Variants in TJP1 observed in about 807,000 individuals in gnomAD.
The protein encoded by TJP1 is tight junction protein ZO-1.
A neutral mutation model predicts 194.2 loss-of-function variants in TJP1; 43 were observed. The ratio of observed to expected loss-of-function variants is 0.22; its 90% CI spans 0.17 to 0.29. The LOEUF (loss-of-function observed/expected upper bound fraction) is 0.29. Ranked by LOEUF, TJP1 falls within the 10% of genes least tolerant of loss-of-function variation. TJP1 has a pLI of 1.00. For missense variants in TJP1, 1,971 were observed against 2,185.7 expected (o/e 0.90, Z 1.96); for synonymous variants, 801 against 779.0 (o/e 1.03, Z -0.47).
intron 2 of TJP1, among the ~76,000 whole-genome samples, chr15:29,787,562 C>T (rs2047778895): frequency 6.6e-6 from 1 of 152,152 alleles, no homozygotes; most frequent in Non-Finnish European, 1.5e-5. Context: ...TCTCTATTCA[C>T]CTATTCTGAA....
At position 29,700,837 on chromosome 15, in the gene TJP1, C is replaced by G. The variant is rs964184681; in HGVS notation, c.*758G>C. ...CCACCAAATGCACAACGTACTCAGTCTTTGTCATGATACAGTATCTAGATA... is the reference window on the plus strand; with the variant it reads ...CCACCAAATGCACAACGTACTCAGTGTTTGTCATGATACAGTATCTAGATA... On this transcript the variant is annotated 3_prime_UTR_variant, in exon 28 of 28. Transcript: ENST00000614355. 2 of 164,460 alleles carry G rather than the reference C, an allele frequency of 1.2e-5. No homozygotes were observed. Among genetic ancestry groups the G allele is most frequent in the African/African-American group, 4.8e-5 (2 of 42,092 alleles). The allele number at this position is 164,460 out of a possible 1,614,324, so 10.2% of individuals were successfully genotyped here.
At chr15:29,820,973 A>G (rs953876299) in intron 1 of TJP1, among the ~76,000 whole-genome samples, 1 of 152,230 alleles carries the variant, frequency 6.6e-6, no homozygotes, top group Admixed American at 6.5e-5. Context: ...ACGGGTAAGC[A>G]TTTCAAACAA....
At chr15:29,823,040 G>A (rs1274822586), upstream of TJP1, 1 of 152,536 alleles carries the variant, frequency 6.6e-6, no homozygotes, top group Non-Finnish European at 1.5e-5. Context: ...TGGTGATGAG[G>A]TCATGGGCAC....
At position 29,840,156 on chromosome 15, in the gene TJP1, G is replaced by A. The variant is rs530142391; in HGVS notation, c.307-39454C>T. ...TATGTGCAAGGACTTTGTTGAATATGCGATTTGCGAATGCAGTATTTTCTC... is the reference window on the plus strand; with the variant it reads ...TATGTGCAAGGACTTTGTTGAATATACGATTTGCGAATGCAGTATTTTCTC... On this transcript the variant is annotated intron_variant, in intron 2 of 28. Coordinates refer to the TJP1 transcript ENST00000356107. Among the ~76,000 whole-genome samples the A allele has an allele frequency of 5.9e-5, 9 of 152,274 alleles. 1 individual carries two copies. In the South Asian group the frequency reaches 1.5e-3, roughly 25 times the overall value.
At chr15:29,768,226 A>G (rs1365153073) in intron 4 of TJP1, among the ~76,000 whole-genome samples, 1 of 152,186 alleles carries the variant, frequency 6.6e-6, no homozygotes. Context: ...GAGAAACAGC[A>G]GAGGCCAGCA....
chr15:29,931,365 C>T (rs1470980301), intron 2 of TJP1, among the ~76,000 whole-genome samples: 2 of 152,064 alleles, frequency 1.3e-5, no homozygotes, highest in Admixed American at 6.6e-5. Flanking sequence ...CAAGGGTCAA[C>T]TGTAAGTCAT....
intron 15 of TJP1, chr15:29,728,233 AACTT>A (rs2151206096): frequency 2.2e-6 from 1 of 447,236 alleles, no homozygotes; most frequent in African/African-American, 2.0e-5. Context: ...TCTGGAAAAA[AACTT>A]AGCCATTAAA....
At chr15:29,878,670 T>A (rs2052805197) in intron 2 of TJP1, among the ~76,000 whole-genome samples, 1 of 152,178 alleles carries the variant, frequency 6.6e-6, no homozygotes, top group Admixed American at 6.5e-5. Context: ...TTCATAGCTC[T>A]GTATAACATC....
At chr15:29,958,961 A>G (rs894057667) in intron 1 of TJP1, among the ~76,000 whole-genome samples, 21 of 151,606 alleles carry the variant, frequency 1.4e-4, no homozygotes, top group Admixed American at 6.6e-5. Context: ...TGAATCAGTA[A>G]ATTCTAAATT....
intron 2 of TJP1, among the ~76,000 whole-genome samples, chr15:29,903,651 A>G (rs1196198910): frequency 6.6e-6 from 1 of 152,054 alleles, no homozygotes; most frequent in Admixed American, 6.5e-5. Context: ...TCGCTGTGTT[A>G]GCCAGGATGG....
intron 5 of TJP1, among the ~76,000 whole-genome samples, chr15:29,765,708 C>G: frequency 6.6e-6 from 1 of 152,160 alleles, no homozygotes; most frequent in South Asian, 2.1e-4. Context: ...TTGGGCAACA[C>G]GGCAAAAACC....
intron 5 of TJP1, among the ~76,000 whole-genome samples, chr15:29,763,752 A>T (rs1041377951): frequency 7.6e-6 from 1 of 131,374 alleles, no homozygotes; most frequent in East Asian, 2.4e-4. Context: ...TGAGAGAGAG[A>T]GTGAGACTCC....
At chr15:29,884,285 C>T (rs535101184) in intron 2 of TJP1, among the ~76,000 whole-genome samples, 13 of 152,234 alleles carry the variant, frequency 8.5e-5, no homozygotes, top group Admixed American at 2.6e-4. Context: ...AACAGATGCT[C>T]CCTGGACCAT....
At chr15:29,967,621 T>G (rs1282621051) in intron 1 of TJP1, among the ~76,000 whole-genome samples, 1 of 152,222 alleles carries the variant, frequency 6.6e-6, no homozygotes, top group African/African-American at 2.4e-5. Flanking sequence ...ACCTTCAAAA[T>G]TCTCCACTTT....
At chr15:29,794,909 T>C (rs990192620) in intron 2 of TJP1, among the ~76,000 whole-genome samples, 2 of 152,040 alleles carry the variant, frequency 1.3e-5, no homozygotes, top group African/African-American at 4.8e-5. Context: ...GAATAAAGAA[T>C]GTCACTGAAA....
intron 2 of TJP1, among the ~76,000 whole-genome samples, chr15:29,855,657 A>C (rs1046422179): frequency 1.3e-5 from 2 of 152,154 alleles, no homozygotes; most frequent in Non-Finnish European, 2.9e-5. Flanking sequence ...GGAGTTCAAG[A>C]CCAGCCTGGC....
At chr15:29,809,115 A>T (rs2049313888) in intron 1 of TJP1, among the ~76,000 whole-genome samples, 1 of 152,260 alleles carries the variant, frequency 6.6e-6, no homozygotes, top group Non-Finnish European at 1.5e-5. Context: ...TATACATGAT[A>T]TGTAAAATAT....
rs1449177362 is a variant in TJP1, at chr15:29,835,107, T to TAATA, written c.307-34406_307-34405insTATT. ...GCTGGATGAATTCCAAGATCCTTTA[T>TAATA]AGCTATAACTTTCAGTGATCTAGGT... On this transcript the variant is annotated intron_variant, in intron 2 of 28. Coordinates refer to the TJP1 transcript ENST00000356107. Among the ~76,000 whole-genome samples the TAATA allele has an allele frequency of 3.3e-5, 5 of 152,330 alleles. No homozygotes were observed. In the East Asian group the frequency reaches 9.6e-4, roughly 29 times the overall value.
chr15:29,818,535 C>T (rs971342339), intron 1 of TJP1, among the ~76,000 whole-genome samples: 2 of 152,218 alleles, frequency 1.3e-5, no homozygotes, highest in Non-Finnish European at 2.9e-5. Flanking sequence ...GACAGCGTCT[C>T]GCTCTGTCGC....
Sources: allele counts gnomAD v4.1 joint callset (sites outside exome capture counted in the v4.1 genomes callset), GRCh38; gene constraint gnomAD v4.1.1; transcripts MANE v1.5; gene names NCBI Gene and HGNC (gene_info 2026-07-23, HGNC 2026-07-21).